TBC1D8B: variants seen among roughly 807,000 people sequenced by gnomAD.
The protein encoded by TBC1D8B is RP11-321G1.1.
Under a neutral mutation model 82.9 loss-of-function variants are expected in TBC1D8B, and 75 were observed. The ratio of observed to expected loss-of-function variants is 0.90; its 90% CI spans 0.75 to 1.10. The LOEUF (loss-of-function observed/expected upper bound fraction) is 1.10, where lower values mean the gene tolerates loss of function less well. Among genes scored for constraint, TBC1D8B ranks in the 50% least tolerant of loss-of-function variants. The probability of loss-of-function intolerance (pLI) is 0.00; values close to 1 mark genes in which losing one functional copy is unlikely to be tolerated. For synonymous variants in TBC1D8B, 276 were observed against 276.8 expected (o/e 1.00, Z 0.03); for missense variants, 794 against 796.9 (o/e 1.00, Z 0.04).
chrX:106,821,531 T>C (rs1388157789), intron 3 of TBC1D8B, among the ~76,000 whole-genome samples: 1 of 111,623 alleles, frequency 9.0e-6, no homozygotes, highest in Non-Finnish European at 1.9e-5. Flanking sequence ...ACACATATGA[T>C]ATATGTACCT....
chrX:106,859,441 T>C (rs371346094), intron 14 of TBC1D8B, among the ~76,000 whole-genome samples: 7 of 111,785 alleles, frequency 6.3e-5, no homozygotes, highest in African/African-American at 9.8e-5. Context: ...GTTAGCTGTA[T>C]TCCTAGGTAT....
At position 106,823,293 on chromosome X, in the gene TBC1D8B, G is replaced by C; in HGVS notation, c.654G>C (p.Glu218Asp). The C allele has an allele frequency of 8.3e-7, 1 of 1,209,660 alleles. No homozygotes were observed. The highest frequency in any genetic ancestry group is 3.0e-5 in the East Asian group (1 of 33,720). ...LEKTSNVILT[E>D]SIHVCSQGEN... Reference sequence around the variant, plus strand: ...AGACTTCAAATGTCATACTGACAGAGAGTATTCACGTGTGTTCCCAAGGAG... The same window carrying C: ...AGACTTCAAATGTCATACTGACAGACAGTATTCACGTGTGTTCCCAAGGAG... The change falls in exon 5 of 21, where the codon GAG becomes GAC. Residue 218 changes from glutamate to aspartate, a missense_variant. Glu to Asp is a conservative substitution (Grantham distance 45, BLOSUM62 2). Coordinates refer to ENST00000357242, the MANE Select transcript of TBC1D8B (RefSeq NM_017752.3).
At chrX:106,809,744 C>T (rs1931304662) in intron 1 of TBC1D8B, among the ~76,000 whole-genome samples, 1 of 109,326 alleles carries the variant, frequency 9.1e-6, no homozygotes, top group African/African-American at 3.3e-5. Context: ...ATTAGCTGGG[C>T]GTGGTGGCAC....
At chrX:106,826,742 G>GCATTAA (rs931264309) in intron 6 of TBC1D8B, among the ~76,000 whole-genome samples, 2 of 109,524 alleles carry the variant, frequency 1.8e-5, no homozygotes, top group African/African-American at 6.6e-5. Flanking sequence ...GCTCCATTTT[G>GCATTAA]CATTAACCTA....
At chrX:106,823,523 T>C (rs1349412157) in intron 5 of TBC1D8B, 57 bp downstream of exon 5, 2 of 1,130,681 alleles carry the variant, frequency 1.8e-6, no homozygotes. Context: ...AGAATGAAGA[T>C]AGTATTGCTT....
intron 1 of TBC1D8B, among the ~76,000 whole-genome samples, chrX:106,804,407 G>T (rs1164421732): frequency 9.0e-6 from 1 of 111,192 alleles, no homozygotes; most frequent in East Asian, 2.8e-4. Flanking sequence ...TCGAAAATAT[G>T]GCAACAAAAA....
At chrX:106,827,439 C>A in intron 7 of TBC1D8B, 102 bp downstream of exon 7, 2 of 917,392 alleles carry the variant, frequency 2.2e-6, no homozygotes, top group East Asian at 3.3e-5. Flanking sequence ...TATTTATGCC[C>A]AGGGGTTTTT....
chrX:106,844,542 T>G (rs948035234), intron 10 of TBC1D8B, among the ~76,000 whole-genome samples: 6 of 106,917 alleles, frequency 5.6e-5, no homozygotes, highest in Non-Finnish European at 9.6e-5. Context: ...CACATATATA[T>G]AAACATTGAT....
In TBC1D8B at chrX:106,808,247, A is replaced by C. The variant is rs575597746; in HGVS notation, c.130+5264A>C. On this transcript the variant is annotated intron_variant, in intron 1 of 20. Transcript: ENST00000357242. ...TATTTTATAAAGGCTTAGTTTCCTC[A>C]TCTGTAAAATGGGGATAAAAACTTG... Among the ~76,000 whole-genome samples, 16 of 111,370 alleles carry C rather than the reference A, an allele frequency of 1.4e-4. No individual in the cohort carries two copies. In the Admixed American group the frequency reaches 1.5e-3, roughly 11 times the overall value.
rs766037545 is a variant in TBC1D8B, at chrX:106,802,704, G to A, written c.-150G>A. On this transcript the variant is annotated 5_prime_UTR_variant, in exon 1 of 21. Coordinates refer to ENST00000357242, the MANE Select transcript of TBC1D8B (RefSeq NM_017752.3). The stretch of plus-strand genomic sequence containing the variant: ...CTCTCTGCCTACGTGGGAGAGAAGG[G>A]AGGGTTGGGGGAAGTGTGGAAAACC... 1.8e-5 allele frequency: 14 copies of A among 773,336 alleles called. No individual in the cohort carries two copies. The highest frequency in any genetic ancestry group is 2.6e-5 in the Non-Finnish European group (14 of 535,198). 63.7% of individuals were successfully genotyped at this position (773,336 alleles called of 1,213,427 possible). A position where few individuals can be genotyped will look rare whatever the true frequency, so the allele number is the denominator to read the frequency against.
chrX:106,847,898 T>C (rs1276516401), intron 10 of TBC1D8B, among the ~76,000 whole-genome samples: 4 of 111,704 alleles, frequency 3.6e-5, no homozygotes, highest in African/African-American at 1.3e-4. Flanking sequence ...TAATTAAGGT[T>C]TTTCACTCTT....
intron 1 of TBC1D8B, chrX:106,814,388 T>A (rs1283623115): frequency 9.4e-6 from 1 of 106,215 alleles, no homozygotes; most frequent in African/African-American, 3.5e-5. Context: ...TCATTTTTTA[T>A]GGCTGCATAG....
In TBC1D8B at chrX:106,873,559, G is replaced by A; in HGVS notation, c.2968-11G>A. 8.5e-7 allele frequency: 1 copy of A among 1,176,811 alleles called. No individual in the cohort carries two copies. Among genetic ancestry groups the A allele is most frequent in the Non-Finnish European group, 1.1e-6 (1 of 881,301 alleles). On this transcript the variant is annotated splice_polypyrimidine_tract_variant and intron_variant, in intron 20 of 20. Coordinates refer to ENST00000357242, the MANE Select transcript of TBC1D8B (RefSeq NM_017752.3). ...TATTCAAACGTGATATTTTCAACTT[G>A]TGTCTTCTAGTCTCAGTTTATTCAG...
At position 106,853,601 on chromosome X, in the gene TBC1D8B, C is replaced by G. The variant is rs147581665; in HGVS notation, c.2204C>G (p.Thr735Ser). The change falls in exon 13 of 21, where the codon ACC becomes AGC. Residue 735 changes from threonine to serine, a missense_variant. Physicochemically the swap from Thr to Ser is moderately conservative, Grantham distance 58. Transcript: ENST00000357242. ...QQGSNVSDEK[T>S]SHTRVDITDL... ...GGTTCAAATGTGAGTGATGAAAAAA[C>G]CAGTCATACTAGAGTGGATATTACA... The G allele has an allele frequency of 8.3e-7, 1 of 1,207,121 alleles. No individual in the cohort carries two copies. The highest frequency in any genetic ancestry group is 1.8e-5 in the African/African-American group (1 of 57,141).
chrX:106,849,035 C>T (rs1164901600), intron 11 of TBC1D8B, among the ~76,000 whole-genome samples: 16 of 107,625 alleles, frequency 1.5e-4, no homozygotes, highest in African/African-American at 5.4e-4. Flanking sequence ...CCTCGGCCTC[C>T]CAAAGTGCTG....
At chrX:106,843,734 GA>G (rs1352910321) in intron 10 of TBC1D8B, among the ~76,000 whole-genome samples, 13 of 103,299 alleles carry the variant, frequency 1.3e-4, no homozygotes, top group East Asian at 3.0e-4. Flanking sequence ...CTGCAAACAA[GA>G]AAAAAAAAAG....
chrX:106,806,012 C>T (rs950820299), intron 1 of TBC1D8B, among the ~76,000 whole-genome samples: 10 of 112,314 alleles, frequency 8.9e-5, no homozygotes, highest in African/African-American at 3.2e-4. Flanking sequence ...ATTTCTTTGC[C>T]ATATGATAAT....
intron 14 of TBC1D8B, among the ~76,000 whole-genome samples, chrX:106,857,616 C>A (rs968990067): frequency 8.9e-6 from 1 of 111,744 alleles, no homozygotes; most frequent in Non-Finnish European, 1.9e-5. Flanking sequence ...CTCTTTGTGT[C>A]CATGTGTACT....
At chrX:106,860,332 T>A (rs900892149) in intron 14 of TBC1D8B, among the ~76,000 whole-genome samples, 11 of 94,926 alleles carry the variant, frequency 1.2e-4, no homozygotes, top group Admixed American at 6.0e-4. Flanking sequence ...ACTGGGCTTT[T>A]TATGATTGGT....
Sources: gnomAD v4.1 joint callset for allele counts (sites outside exome capture counted in the v4.1 genomes callset) on GRCh38, gnomAD v4.1.1 for gene constraint, MANE v1.5 for transcripts, NCBI Gene and HGNC (gene_info 2026-07-23, HGNC 2026-07-21) for gene names.